The following ADAMTS19 variants were observed in gnomAD, a reference collection of about 807,000 sequenced individuals.
ADAMTS19 encodes ADAM metallopeptidase with thrombospondin type 1 motif 19.
In ADAMTS19, 93 loss-of-function variants were observed where a neutral mutation model predicts 153.3. The observed-to-expected ratio is 0.61, with a 90% confidence interval of 0.51 to 0.72. ADAMTS19 has a LOEUF of 0.72. Among genes scored for constraint, ADAMTS19 ranks in the 30% least tolerant of loss-of-function variants. ADAMTS19 has a pLI of 0.00. For synonymous variants in ADAMTS19, 600 were observed against 556.6 expected, an observed-to-expected ratio of 1.08 and a Z score of -1.10; for missense variants, 1,482 against 1,552.1, an observed-to-expected ratio of 0.95 and a Z score of 0.76.
chr5:129,623,903 G>A (rs1751900034), intron 10 of ADAMTS19, among the ~76,000 whole-genome samples: 2 of 151,666 alleles, frequency 1.3e-5, no homozygotes, highest in East Asian at 2.0e-4. Flanking sequence ...GGCGGATCAC[G>A]AGGTCAGGAG....
At chr5:129,734,604 C>T (rs1418328409) in intron 21 of ADAMTS19, among the ~76,000 whole-genome samples, 1 of 151,874 alleles carries the variant, frequency 6.6e-6, no homozygotes, top group Non-Finnish European at 1.5e-5. Context: ...ATGTGTTAGA[C>T]CTTGGAAAGC....
chr5:129,724,022 C>G (rs965276740), intron 21 of ADAMTS19, among the ~76,000 whole-genome samples: 8 of 152,146 alleles, frequency 5.3e-5, no homozygotes, highest in Non-Finnish European at 4.4e-5. Flanking sequence ...TAAGGGGTTG[C>G]GGAGACCACT....
At chr5:129,631,508 G>A (rs1032970232) in intron 10 of ADAMTS19, among the ~76,000 whole-genome samples, 2 of 151,786 alleles carry the variant, frequency 1.3e-5, no homozygotes, top group Non-Finnish European at 2.9e-5. Flanking sequence ...TTCATACCTC[G>A]TAAGGCTTTA....
At chr5:129,670,661 A>G (rs1754262307) in intron 16 of ADAMTS19, among the ~76,000 whole-genome samples, 1 of 152,254 alleles carries the variant, frequency 6.6e-6, no homozygotes. Context: ...AGTACATGTC[A>G]TATTTGAACA....
chr5:129,502,918 A>G (rs1751149350), intron 2 of ADAMTS19, among the ~76,000 whole-genome samples: 1 of 152,188 alleles, frequency 6.6e-6, no homozygotes, highest in African/African-American at 2.4e-5. Context: ...CAACAACAGA[A>G]AATGTCTGGT....
At chr5:129,628,472 T>A (rs7729725) in intron 10 of ADAMTS19, among the ~76,000 whole-genome samples, 12,200 of 151,826 alleles carry the variant, frequency 0.08, 578 homozygotes, top group Middle Eastern at 0.14. Flanking sequence ...TAAAAAAAAA[T>A]TTTTAAAGCT....
At chr5:129,587,212 C>T (rs1010440633) in intron 7 of ADAMTS19, among the ~76,000 whole-genome samples, 2 of 152,046 alleles carry the variant, frequency 1.3e-5, no homozygotes, top group African/African-American at 4.8e-5. Context: ...AGATCATAAT[C>T]TACTAATCTC....
intron 16 of ADAMTS19, among the ~76,000 whole-genome samples, chr5:129,674,205 T>C (rs1754445392): frequency 6.7e-6 from 1 of 149,322 alleles, no homozygotes; most frequent in Admixed American, 6.8e-5. Context: ...CACTCCAGCC[T>C]AGGCAACAAG....
chr5:129,733,936 AGTGTGTGCGTGTGTGTGTGTGTGT>A (rs1757554044), intron 21 of ADAMTS19, among the ~76,000 whole-genome samples: 1 of 143,338 alleles, frequency 7.0e-6, no homozygotes, highest in African/African-American at 2.6e-5. Flanking sequence ...GGATAAAGCA[AGTGTGTGCGTGTGTGTGTGTGTGT>A]GTGTGTGTGT....
intron 7 of ADAMTS19, among the ~76,000 whole-genome samples, chr5:129,556,305 T>C (rs1337861513): frequency 6.6e-6 from 1 of 152,204 alleles, no homozygotes; most frequent in Non-Finnish European, 1.5e-5. Flanking sequence ...AATGAATGGC[T>C]TACCAGGGTT....
chr5:129,481,152 C>T (rs10040321), intron 2 of ADAMTS19, among the ~76,000 whole-genome samples: 6 of 152,138 alleles, frequency 3.9e-5, no homozygotes, highest in East Asian at 1.9e-4. Flanking sequence ...AATTGACTCA[C>T]GGTTCAGCAT....
chr5:129,678,685 T>C (rs1754659351), intron 16 of ADAMTS19, among the ~76,000 whole-genome samples: 1 of 152,168 alleles, frequency 6.6e-6, no homozygotes. Context: ...TTTTTCAAAA[T>C]CTTTAAATGT....
In ADAMTS19 at chr5:129,472,639, T is replaced by A. The variant is rs180835569; in HGVS notation, c.747+10882T>A. ...TAAAAAGAAAGCAACAGTTGAAATCTGCTTCCTATTCTAGAATCTGGAAAT... is the reference window on the plus strand; with the variant it reads ...TAAAAAGAAAGCAACAGTTGAAATCAGCTTCCTATTCTAGAATCTGGAAAT... On this transcript the variant is annotated intron_variant, in intron 2 of 22. Coordinates refer to ENST00000274487, the MANE Select transcript of ADAMTS19 (RefSeq NM_133638.6). Among the ~76,000 whole-genome samples the A allele has an allele frequency of 2.0e-5, 3 of 152,230 alleles. No homozygotes were observed. The East Asian group carries it at 5.8e-4, about 29-fold the overall frequency.
At chr5:129,496,687 T>G (rs1750936442) in intron 2 of ADAMTS19, among the ~76,000 whole-genome samples, 1 of 151,918 alleles carries the variant, frequency 6.6e-6, no homozygotes, top group South Asian at 2.1e-4. Context: ...TTAAAGCACA[T>G]AACTAGGCTG....
At chr5:129,678,860 G>T (rs531529999) in intron 16 of ADAMTS19, among the ~76,000 whole-genome samples, 1 of 149,266 alleles carries the variant, frequency 6.7e-6, no homozygotes, top group East Asian at 1.9e-4. Context: ...TAACTAGCAG[G>T]ATTTATTGGC....
chr5:129,670,231 G>T (rs1305266718), intron 16 of ADAMTS19, among the ~76,000 whole-genome samples: 2 of 151,960 alleles, frequency 1.3e-5, no homozygotes, highest in Admixed American at 6.6e-5. Flanking sequence ...TTAAATTCTT[G>T]CTTTTCTAAT....
intron 11 of ADAMTS19, among the ~76,000 whole-genome samples, chr5:129,643,382 A>AAG (rs1554101886): frequency 0.13 from 19,054 of 142,366 alleles, 1,581 homozygotes; most frequent in East Asian, 0.27. Flanking sequence ...AAAAAAAAAA[A>AAG]AAAAGAAAAA....
Position 129,702,941 on chromosome 5 carries a change from AATATATAT to A in ADAMTS19, c.3160-1274_3160-1267del, listed in dbSNP as rs59614056. ...TAGTTTGACTTGCCAAAAAAAAAAA[AATATATAT>A]ATATATATATATATATATATATACA... On this transcript the variant is annotated intron_variant, in intron 20 of 22. Transcript: ENST00000274487. Among the ~76,000 whole-genome samples, 112 of 29,246 alleles carry A rather than the reference AATATATAT, an allele frequency of 3.8e-3. 2 individuals are homozygous for A. Among genetic ancestry groups the A allele is most frequent in the African/African-American group, 8.8e-3 (103 of 11,722 alleles). The allele number at this position is 29,246 out of a possible 152,430, so 19.2% of individuals were successfully genotyped here.
intron 18 of ADAMTS19, among the ~76,000 whole-genome samples, chr5:129,693,923 G>A (rs1755444282): frequency 6.6e-6 from 1 of 152,064 alleles, no homozygotes; most frequent in African/African-American, 2.4e-5. Context: ...GAGGTGATAA[G>A]AATAAAGGTT....
Sources: allele counts gnomAD v4.1 joint callset (sites outside exome capture counted in the v4.1 genomes callset), GRCh38; gene constraint gnomAD v4.1.1; transcripts MANE v1.5; gene names NCBI Gene and HGNC (gene_info 2026-07-23, HGNC 2026-07-21).